The following DPCD variants were observed in gnomAD, a reference collection of about 807,000 sequenced individuals.
The protein encoded by DPCD is deleted in primary ciliary dyskinesia homolog (mouse).
A neutral mutation model predicts 26.4 loss-of-function variants in DPCD; 20 were observed. The ratio of observed to expected loss-of-function variants is 0.76; its 90% CI spans 0.53 to 1.10. DPCD has a LOEUF of 1.10. Ranked by LOEUF, DPCD falls within the 50% of genes least tolerant of loss-of-function variation. DPCD has a pLI of 0.00. For missense variants in DPCD, 202 were observed against 253.9 expected, an observed-to-expected ratio of 0.80 and a Z score of 1.39; for synonymous variants, 97 against 94.2, an observed-to-expected ratio of 1.03 and a Z score of -0.17.
Position 101,603,479 on chromosome 10 carries a change from T to C in DPCD, c.404+2143T>C, listed in dbSNP as rs75456113. On this transcript the variant is annotated intron_variant, in intron 4 of 5. Coordinates refer to ENST00000370151, the MANE Select transcript of DPCD (RefSeq NM_015448.3). This position sits in a 1 kb window ranked among gnomAD's most constrained non-coding sequence, Gnocchi z 4.6. ...TTTTTTTAAGAGATGGAGTCTTGGC[T>C]GGGCGCGGTGGCTCACGCCTGTAAT... 0.25 allele frequency among the ~76,000 whole-genome samples: 37,453 copies of C among 151,450 alleles called. 4,937 individuals are homozygous for C. The highest frequency in any genetic ancestry group is 0.29 in the Non-Finnish European group (20,002 of 67,812).
chr10:101,590,786 C>T (rs1276522984), intron 1 of DPCD, among the ~76,000 whole-genome samples: 1 of 152,062 alleles, frequency 6.6e-6, no homozygotes, highest in Non-Finnish European at 1.5e-5. Flanking sequence ...TCCTCATTCC[C>T]TCCTCCTCCC....
chr10:101,605,310 C>T (rs1206579694), intron 4 of DPCD: 3 of 1,499,802 alleles, frequency 2.0e-6, no homozygotes, highest in Non-Finnish European at 2.7e-6. Context: ...CCTCTGGTGC[C>T]CTTTTGGGTT....
chr10:101,588,611 A>T, intron 1 of DPCD: 1 of 1,381,180 alleles, frequency 7.2e-7, no homozygotes, highest in Non-Finnish European at 9.3e-7. Flanking sequence ...CCTCTACACC[A>T]TCTCGCTCCG....
chr10:101,588,602 C>A, intron 1 of DPCD: 6 of 1,405,322 alleles, frequency 4.3e-6, no homozygotes, highest in Non-Finnish European at 5.5e-6. Context: ...CCTTAGATTC[C>A]TCTACACCAT....
At position 101,603,527 on chromosome 10, in the gene DPCD, G is replaced by C. The variant is rs557651376; in HGVS notation, c.404+2191G>C. On this transcript the variant is annotated intron_variant, in intron 4 of 5. Coordinates refer to ENST00000370151, the MANE Select transcript of DPCD (RefSeq NM_015448.3). This position sits in a 1 kb window ranked among gnomAD's most constrained non-coding sequence, Gnocchi z 4.6. The stretch of plus-strand genomic sequence containing the variant: ...AATCCCAGCACTCTGGGAAGCCAAG[G>C]CAGGTGGATCATCTGAGGTCAGGAG... Among the ~76,000 whole-genome samples, 34 of 152,078 alleles carry C rather than the reference G, an allele frequency of 2.2e-4. No individual in the cohort carries two copies. The highest frequency in any genetic ancestry group is 8.2e-4 in the African/African-American group (34 of 41,488).
intron 1 of DPCD, among the ~76,000 whole-genome samples, chr10:101,591,123 G>C (rs2063603912): frequency 6.6e-6 from 1 of 152,210 alleles, no homozygotes. Flanking sequence ...GGGCACAGAG[G>C]TATGGATATT....
At chr10:101,599,931 G>A (rs769133711) in intron 2 of DPCD, among the ~76,000 whole-genome samples, 7 of 152,176 alleles carry the variant, frequency 4.6e-5, no homozygotes, top group Non-Finnish European at 1.0e-4. Context: ...GGACCGCATG[G>A]TTCCTGAAAA....
chr10:101,589,585 A>T (rs1424158629), intron 1 of DPCD, among the ~76,000 whole-genome samples: 5 of 152,204 alleles, frequency 3.3e-5, no homozygotes, highest in Admixed American at 6.5e-5. Context: ...TCTACAAAAA[A>T]TACGGAAATT....
chr10:101,608,420 G>A (rs1212711537), intron 4 of DPCD, among the ~76,000 whole-genome samples: 1 of 152,204 alleles, frequency 6.6e-6, no homozygotes, highest in East Asian at 1.9e-4. Flanking sequence ...AGACAGATCT[G>A]AATGTCCTTA....
At chr10:101,607,904 C>G (rs567661379) in intron 4 of DPCD, among the ~76,000 whole-genome samples, 1 of 152,268 alleles carries the variant, frequency 6.6e-6, no homozygotes, top group African/African-American at 2.4e-5. Flanking sequence ...ATTCATTGTG[C>G]TTTGGTGTAG....
intron 2 of DPCD, among the ~76,000 whole-genome samples, chr10:101,598,844 G>C (rs952228524): frequency 2.0e-5 from 3 of 151,950 alleles, no homozygotes; most frequent in Non-Finnish European, 2.9e-5. Flanking sequence ...GGCTGGTCTC[G>C]AACTCCCTCA....
chr10:101,602,443 CAG>C (rs2063704813), intron 4 of DPCD, among the ~76,000 whole-genome samples: 1 of 152,170 alleles, frequency 6.6e-6, no homozygotes, highest in African/African-American at 2.4e-5. Context: ...GTTAAGAGGA[CAG>C]GGGAAAGGGT....
rs1589732143 is a variant in DPCD, at chr10:101,609,613, G to A, written c.*142G>A. ...TGGGCATGGGGCACTCCTAGCCAGT[G>A]AGTCATGGTCATATTTCCTGAGTAA... On this transcript the variant is annotated 3_prime_UTR_variant, in exon 6 of 6. Transcript: ENST00000370151. The A allele has an allele frequency of 1.2e-5, 8 of 655,556 alleles. No homozygotes were observed. Among genetic ancestry groups the A allele is most frequent in the Non-Finnish European group, 1.8e-5 (7 of 378,930 alleles). The allele number at this position is 655,556 out of a possible 1,614,324, so 40.6% of individuals were successfully genotyped here.
chr10:101,595,037 G>A (rs1242062433), intron 2 of DPCD, among the ~76,000 whole-genome samples: 1 of 152,174 alleles, frequency 6.6e-6, no homozygotes, highest in Non-Finnish European at 1.5e-5. Context: ...GGTGGTATTG[G>A]AAGTGAGCCT....
chr10:101,594,811 C>T (rs928237220), intron 2 of DPCD, 73 bp downstream of exon 2: 169 of 1,430,012 alleles, frequency 1.2e-4, no homozygotes, highest in Non-Finnish European at 1.6e-4. Context: ...ACACTCCTAG[C>T]CTTAGGCTTG....
rs533428035 is a variant in DPCD, at chr10:101,589,340, C to T, written c.64+940C>T. Among the ~76,000 whole-genome samples, 116 of 152,302 alleles carry T rather than the reference C, an allele frequency of 7.6e-4. 4 individuals carry two copies. The South Asian group carries it at 0.023, about 30-fold the overall frequency. ...AAACATGTACTTAAATAATAAGAAG[C>T]GTTAAATAGAGGTTGTAGTCTTGTA... On this transcript the variant is annotated intron_variant, in intron 1 of 5. Coordinates refer to ENST00000370151, the MANE Select transcript of DPCD (RefSeq NM_015448.3).
Position 101,588,417 on chromosome 10 carries a change from C to A in DPCD, c.64+17C>A. The A allele has an allele frequency of 1.9e-6, 3 of 1,580,588 alleles. No homozygotes were observed. The highest frequency in any genetic ancestry group is 2.6e-6 in the Non-Finnish European group (3 of 1,162,252). On this transcript the variant is annotated intron_variant, in intron 1 of 5. Coordinates refer to ENST00000370151, the MANE Select transcript of DPCD (RefSeq NM_015448.3). Reference sequence around the variant, plus strand: ...TGCAGGACGGTAACTCGAGGGTCCCCACGGGCTCCTTCGTTTTTTTCCCTC... The same window carrying A: ...TGCAGGACGGTAACTCGAGGGTCCCAACGGGCTCCTTCGTTTTTTTCCCTC...
Position 101,588,328 on chromosome 10 carries a change from A to G in DPCD, c.-9A>G, listed in dbSNP as rs758548295. 1.2e-6 allele frequency: 2 copies of G among 1,600,456 alleles called. No individual in the cohort carries two copies. Among genetic ancestry groups the G allele is most frequent in the Admixed American group, 1.7e-5 (1 of 58,612 alleles). The stretch of plus-strand genomic sequence containing the variant: ...GCAGCGGCTGGGCGTGCTGCTTAGC[A>G]GGGGAAAGATGGCGGTGACGGGCTG... On this transcript the variant is annotated 5_prime_UTR_variant, in exon 1 of 6. Coordinates refer to ENST00000370151, the MANE Select transcript of DPCD (RefSeq NM_015448.3).
At chr10:101,597,078 C>A (rs902422315) in intron 2 of DPCD, among the ~76,000 whole-genome samples, 7 of 152,264 alleles carry the variant, frequency 4.6e-5, no homozygotes, top group African/African-American at 1.7e-4. Flanking sequence ...ACTGAAGGCC[C>A]CACAACAATG....
Sources: allele counts gnomAD v4.1 joint callset (sites outside exome capture counted in the v4.1 genomes callset), GRCh38; gene constraint gnomAD v4.1.1; non-coding constraint Gnocchi (gnomAD v3.1); transcripts MANE v1.5; gene names NCBI Gene and HGNC (gene_info 2026-07-23, HGNC 2026-07-21).